TRAPPC8: variants seen among roughly 807,000 people sequenced by gnomAD.
TRAPPC8 encodes trafficking protein particle complex subunit 8, also known as general sporulation gene 1 homolog.
Under a neutral mutation model 174.3 loss-of-function variants are expected in TRAPPC8, and 54 were observed. The ratio of observed to expected loss-of-function variants is 0.31; its 90% confidence interval spans 0.25 to 0.39. TRAPPC8 has a LOEUF of 0.39. TRAPPC8 is among the 10% of genes least tolerant of loss of function. The pLI is 1.00. For missense variants in TRAPPC8, 1,531 were observed against 1,699.1 expected, an observed-to-expected ratio of 0.90 and a Z score of 1.74; for synonymous variants, 630 against 579.9, an observed-to-expected ratio of 1.09 and a Z score of -1.24.
chr18:31,901,787 A>G (rs2036438271), intron 9 of TRAPPC8, among the ~76,000 whole-genome samples: 1 of 152,182 alleles, frequency 6.6e-6, no homozygotes, highest in Non-Finnish European at 1.5e-5. Flanking sequence ...CAGAGCAGAC[A>G]TTTGGATTTG....
chr18:31,848,492 G>A (rs189013300), intron 25 of TRAPPC8, among the ~76,000 whole-genome samples: 182 of 152,168 alleles, frequency 1.2e-3, no homozygotes, highest in African/African-American at 4.2e-3. Context: ...ATTTGATTTC[G>A]CCAATAATGT....
intron 26 of TRAPPC8, among the ~76,000 whole-genome samples, chr18:31,845,434 G>C (rs1020674661): frequency 6.6e-6 from 1 of 151,136 alleles, no homozygotes; most frequent in African/African-American, 2.4e-5. Flanking sequence ...CTGCATCAAT[G>C]TTAAACTTCC....
Position 31,943,077 on chromosome 18 carries a change from G to A in TRAPPC8, c.-313C>T, listed in dbSNP as rs1024691131. 8 of 438,594 alleles carry A rather than the reference G, an allele frequency of 1.8e-5. No homozygotes were observed. The highest frequency in any genetic ancestry group is 2.1e-4 in the South Asian group (2 of 9,570). 27.2% of individuals were successfully genotyped at this position (438,594 alleles called of 1,614,324 possible). A position where few individuals can be genotyped will look rare whatever the true frequency, so the allele number is the denominator to read the frequency against. On this transcript the variant is annotated 5_prime_UTR_variant, in exon 1 of 29. Transcript: ENST00000283351. ...GACGGCAAAACCTTGGTCACTGCCC[G>A]GCCGGAACCGCCATGTTGAGGCCGA...
intron 26 of TRAPPC8, among the ~76,000 whole-genome samples, chr18:31,846,420 C>A (rs949161039): frequency 6.6e-6 from 1 of 151,538 alleles, no homozygotes; most frequent in African/African-American, 2.4e-5. Flanking sequence ...CAAAAAAACA[C>A]AAAAATTAGC....
chr18:31,866,448 A>G (rs1482374151), intron 18 of TRAPPC8, among the ~76,000 whole-genome samples: 2 of 152,130 alleles, frequency 1.3e-5, no homozygotes, highest in Non-Finnish European at 2.9e-5. Context: ...ATATCCAGTG[A>G]TGTGAAAACA....
At chr18:31,922,150 T>C (rs1445901412) in intron 2 of TRAPPC8, among the ~76,000 whole-genome samples, 1 of 152,234 alleles carries the variant, frequency 6.6e-6, no homozygotes, top group Non-Finnish European at 1.5e-5. Flanking sequence ...GGACAAGCCT[T>C]CTCTGTATCT....
intron 11 of TRAPPC8, 85 bp downstream of exon 11, chr18:31,897,701 G>T: frequency 1.0e-6 from 1 of 978,762 alleles, no homozygotes; most frequent in Non-Finnish European, 1.4e-6. Flanking sequence ...TTTATGTTTT[G>T]TAAAGCCTTT....
chr18:31,935,404 G>A (rs567314193), intron 1 of TRAPPC8, among the ~76,000 whole-genome samples: 62 of 138,976 alleles, frequency 4.5e-4, no homozygotes, highest in African/African-American at 1.5e-3. Context: ...TGCAATTACA[G>A]GCTGGAGCCG....
At position 31,931,641 on chromosome 18, in the gene TRAPPC8, A is replaced by C. The variant is rs528797207; in HGVS notation, c.158-118T>G. 5.9e-6 allele frequency: 4 copies of C among 672,842 alleles called. No individual in the cohort carries two copies. The East Asian group carries it at 1.2e-4, about 20-fold the overall frequency. The allele number at this position is 672,842 out of a possible 1,614,324, so 41.7% of individuals were successfully genotyped here. A position where few individuals can be genotyped will look rare whatever the true frequency, so the allele number is the denominator to read the frequency against. ...TACAAAGCAGAAGCCAGCAATTCCA[A>C]GTGGAACGTTCTTCCAGAAATATAA... On this transcript the variant is annotated intron_variant, in intron 1 of 28. Transcript: ENST00000283351.
intron 27 of TRAPPC8, among the ~76,000 whole-genome samples, chr18:31,838,254 C>G (rs1404619262): frequency 6.6e-6 from 1 of 152,206 alleles, no homozygotes; most frequent in African/African-American, 2.4e-5. Flanking sequence ...TAAAATTTCA[C>G]TTTTTTCAAA....
At chr18:31,879,148 T>A (rs2035300358) in intron 12 of TRAPPC8, among the ~76,000 whole-genome samples, 1 of 152,142 alleles carries the variant, frequency 6.6e-6, no homozygotes, top group Non-Finnish European at 1.5e-5. Flanking sequence ...CTACAGAAGA[T>A]TCCAACTGAC....
intron 12 of TRAPPC8, among the ~76,000 whole-genome samples, chr18:31,877,293 C>T (rs570570410): frequency 2.0e-5 from 3 of 152,240 alleles, no homozygotes; most frequent in African/African-American, 7.2e-5. Context: ...ACTTTTCATG[C>T]TTTTTGTGGT....
intron 16 of TRAPPC8, among the ~76,000 whole-genome samples, chr18:31,869,270 GCAATT>G (rs2034729476): frequency 6.6e-6 from 1 of 152,000 alleles, no homozygotes; most frequent in Non-Finnish European, 1.5e-5. Context: ...TTTTGAATAG[GCAATT>G]CACAAAAGAG....
intron 12 of TRAPPC8, among the ~76,000 whole-genome samples, chr18:31,885,185 C>G (rs1442814302): frequency 6.6e-6 from 1 of 152,126 alleles, no homozygotes; most frequent in Non-Finnish European, 1.5e-5. Flanking sequence ...AAAAGAAATA[C>G]TTTATTGATT....
chr18:31,933,184 C>G (rs190147612), intron 1 of TRAPPC8, among the ~76,000 whole-genome samples: 222 of 151,388 alleles, frequency 1.5e-3, no homozygotes, highest in Non-Finnish European at 2.3e-3. Context: ...ACCTATAGTC[C>G]CAGCTACTTG....
chr18:31,926,059 G>T (rs932168525), intron 2 of TRAPPC8, among the ~76,000 whole-genome samples: 35 of 152,170 alleles, frequency 2.3e-4, no homozygotes, highest in African/African-American at 8.2e-4. Context: ...CAGCTGTGGA[G>T]TGGGCCTCGG....
At chr18:31,891,039 A>G in intron 11 of TRAPPC8, 173 bp from the exon 12 acceptor site, 1 of 421,998 alleles carries the variant, frequency 2.4e-6, no homozygotes, top group Non-Finnish European at 3.8e-6. Context: ...CAATAAACAC[A>G]AAATTCTTTT....
chr18:31,912,348 G>T (rs777919368), intron 5 of TRAPPC8, among the ~76,000 whole-genome samples: 1 of 152,054 alleles, frequency 6.6e-6, no homozygotes, highest in Non-Finnish European at 1.5e-5. Flanking sequence ...AAAATTAGCT[G>T]GGCGTGGTGG....
chr18:31,860,372 A>T (rs1389125744), intron 19 of TRAPPC8, among the ~76,000 whole-genome samples: 1 of 148,808 alleles, frequency 6.7e-6, no homozygotes, highest in Non-Finnish European at 1.5e-5. Context: ...CAATTGTATT[A>T]AAAAAAAAAG....
Sources: gnomAD v4.1 joint callset for allele counts (sites outside exome capture counted in the v4.1 genomes callset) on GRCh38, gnomAD v4.1.1 for gene constraint, MANE v1.5 for transcripts, NCBI Gene and HGNC (gene_info 2026-07-23, HGNC 2026-07-21) for gene names.